SIDT2: variants seen among roughly 807,000 people sequenced by gnomAD.
The protein encoded by SIDT2 is SID1 transmembrane family member 2.
Under a neutral mutation model 114.4 loss-of-function variants are expected in SIDT2, and 68 were observed. The ratio of observed to expected loss-of-function variants is 0.59; its 90% CI spans 0.49 to 0.73. The LOEUF (loss-of-function observed/expected upper bound fraction) is 0.73, where lower values mean the gene tolerates loss of function less well. Ranked by LOEUF, SIDT2 falls within the 30% of genes least tolerant of loss-of-function variation. SIDT2 has a pLI of 0.00. For synonymous variants in SIDT2, 470 were observed against 438.4 expected (o/e 1.07, Z -0.90); for missense variants, 918 against 1,097.1 (o/e 0.84, Z 2.31).
chr11:117,185,917 C>T (rs2030477311), intron 8 of SIDT2: 2 of 460,190 alleles, frequency 4.3e-6, no homozygotes, highest in East Asian at 3.7e-5. Context: ...AGTTCTAGCC[C>T]AGGGAGCAAC....
In SIDT2 at chr11:117,179,403, T is replaced by C; in HGVS notation, c.140T>C (p.Leu47Pro). The change falls in exon 1 of 26, where the codon CTG (leucine) becomes CCG (proline). Residue 47 changes from leucine to proline, a missense_variant. Physicochemically the swap from Leu to Pro is moderately conservative, Grantham distance 98. This residue lies in a region of SIDT2 where 553 missense variants were observed against 600.1 expected (regional missense o/e 0.92). Coordinates refer to ENST00000324225, the MANE Select transcript of SIDT2 (RefSeq NM_001040455.2). Reference protein sequence around the residue: ...RTYVDEVNSELVNIYTFNHTV... With the variant: ...RTYVDEVNSEPVNIYTFNHTV... ...TACGTGGACGAGGTCAACAGCGAGC[T>C]GGTCAACATCTACACCTTCAACCAT... 1 of 1,613,636 alleles carries C rather than the reference T, an allele frequency of 6.2e-7. No individual in the cohort carries two copies. Among genetic ancestry groups the C allele is most frequent in the Non-Finnish European group, 8.5e-7 (1 of 1,179,862 alleles).
At chr11:117,191,591 A>C (rs1256186985) in intron 18 of SIDT2, 1 of 392,430 alleles carries the variant, frequency 2.5e-6, no homozygotes, top group Non-Finnish European at 4.6e-6. Flanking sequence ...CTCCAAAAAA[A>C]TAAAAGGGAG....
At chr11:117,191,080 A>T (rs1402112118) in intron 18 of SIDT2, 5 of 173,832 alleles carry the variant, frequency 2.9e-5, no homozygotes, top group Middle Eastern at 2.5e-3. Flanking sequence ...GCTCCAGACC[A>T]TCCTGGCTAA....
intron 12 of SIDT2, 46 bp downstream of exon 12, chr11:117,187,745 T>G: frequency 6.3e-7 from 1 of 1,589,422 alleles, no homozygotes; most frequent in Non-Finnish European, 8.6e-7. Flanking sequence ...AGGACGGTGT[T>G]GTCTGGGTAA....
Position 117,188,938 on chromosome 11 carries a change from G to A in SIDT2, c.1278+112G>A. On this transcript the variant is annotated intron_variant, in intron 13 of 25. Coordinates refer to ENST00000324225, the MANE Select transcript of SIDT2 (RefSeq NM_001040455.2). This position sits in a 1 kb window ranked among gnomAD's most constrained non-coding sequence, Gnocchi z 4.0. ...GCATTTAGGGAAGCAGAAGGAAGGGGCTCAGCTGGGGCAGGGCAGATGCCG... is the reference window on the plus strand; with the variant it reads ...GCATTTAGGGAAGCAGAAGGAAGGGACTCAGCTGGGGCAGGGCAGATGCCG... The A allele has an allele frequency of 8.6e-7, 1 of 1,163,054 alleles. No individual in the cohort carries two copies. Among genetic ancestry groups the A allele is most frequent in the Non-Finnish European group, 1.3e-6 (1 of 776,008 alleles). The allele number at this position is 1,163,054 out of a possible 1,614,324, so 72.0% of individuals were successfully genotyped here.
rs776728564 is a variant in SIDT2, at chr11:117,179,428, T to C, written c.165T>C (p.His55=). The C allele has an allele frequency of 2.5e-6, 4 of 1,613,420 alleles. No homozygotes were observed. The highest frequency in any genetic ancestry group is 2.5e-6 in the Non-Finnish European group (3 of 1,179,652). ...SELVNIYTFN[H]TVTRNRTEGV... ...TGGTCAACATCTACACCTTCAACCA[T>C]ACTGTGACCCGCAACAGGGTGAGGG... The change falls in exon 1 of 26, where the codon CAT becomes CAC. Residue 55 remains histidine, a synonymous_variant. Transcript: ENST00000324225.
chr11:117,184,917 G>A (rs185965595), intron 8 of SIDT2, among the ~76,000 whole-genome samples: 96 of 152,248 alleles, frequency 6.3e-4, no homozygotes, highest in African/African-American at 2.2e-3. Context: ...GTAGAGACGG[G>A]GGTTTCACCA....
intron 18 of SIDT2, 169 bp from the exon 19 acceptor site, chr11:117,191,709 C>A: frequency 1.2e-6 from 1 of 819,502 alleles, no homozygotes; most frequent in Non-Finnish European, 1.9e-6. Context: ...TGTGGTGTGG[C>A]AGGTACAACT....
Position 117,190,123 on chromosome 11 carries a change from G to A in SIDT2, c.1494-43G>A. 6.2e-7 allele frequency: 1 copy of A among 1,608,982 alleles called. No homozygotes were observed. Among genetic ancestry groups the A allele is most frequent in the African/African-American group, 1.3e-5 (1 of 74,978 alleles). ...CCCACGTGGGCTAGGGAAGAGGCCT[G>A]GGTGTGAGTCCCAAGCAGTCTGCCT... On this transcript the variant is annotated intron_variant, in intron 16 of 25. Coordinates refer to ENST00000324225, the MANE Select transcript of SIDT2 (RefSeq NM_001040455.2). The surrounding 1 kb of genome is among the most constrained non-coding windows in gnomAD (Gnocchi z 4.1).
In SIDT2 at chr11:117,192,733, G is replaced by A; in HGVS notation, c.2058+83G>A. 1 of 1,610,748 alleles carries A rather than the reference G, an allele frequency of 6.2e-7. No homozygotes were observed. Among genetic ancestry groups the A allele is most frequent in the Non-Finnish European group, 8.5e-7 (1 of 1,177,584 alleles). Reference sequence around the variant, plus strand: ...GGAGTGGGGCTGGGCTGAGGACCCAGGGGAGAGTGGGGACCAGCTGGCTGG... The same window carrying A: ...GGAGTGGGGCTGGGCTGAGGACCCAAGGGAGAGTGGGGACCAGCTGGCTGG... On this transcript the variant is annotated intron_variant, in intron 21 of 25. Coordinates refer to ENST00000324225, the MANE Select transcript of SIDT2 (RefSeq NM_001040455.2). This position sits in a 1 kb window ranked among gnomAD's most constrained non-coding sequence, Gnocchi z 5.9.
In SIDT2 at chr11:117,188,948, G is replaced by A. The variant is rs539159705; in HGVS notation, c.1278+122G>A. On this transcript the variant is annotated intron_variant, in intron 13 of 25. Transcript: ENST00000324225. This position sits in a 1 kb window ranked among gnomAD's most constrained non-coding sequence, Gnocchi z 4.0. Reference sequence around the variant, plus strand: ...AAGCAGAAGGAAGGGGCTCAGCTGGGGCAGGGCAGATGCCGGGGAAACTAA... The same window carrying A: ...AAGCAGAAGGAAGGGGCTCAGCTGGAGCAGGGCAGATGCCGGGGAAACTAA... The A allele has an allele frequency of 5.0e-4, 555 of 1,113,428 alleles. 4 individuals carry two copies. The South Asian group carries it at 6.7e-3, about 13-fold the overall frequency. 69.0% of individuals were successfully genotyped at this position (1,113,428 alleles called of 1,614,324 possible). A position where few individuals can be genotyped will look rare whatever the true frequency, so the allele number is the denominator to read the frequency against.
chr11:117,192,096 C>A lies in SIDT2; in HGVS notation c.1872+82C>A. On this transcript the variant is annotated intron_variant, in intron 19 of 25. Coordinates refer to ENST00000324225, the MANE Select transcript of SIDT2 (RefSeq NM_001040455.2). This position sits in a 1 kb window ranked among gnomAD's most constrained non-coding sequence, Gnocchi z 5.9. ...CAGACACGTAGTGCACACCCTCCGC[C>A]ACCTCCTGCATGAGAGATTCCTGCT... The A allele has an allele frequency of 6.3e-7, 1 of 1,589,216 alleles. No individual in the cohort carries two copies. The highest frequency in any genetic ancestry group is 2.2e-5 in the East Asian group (1 of 44,606).
chr11:117,188,826 G>A lies in SIDT2; in HGVS notation c.1278G>A (p.Lys426=). The change falls in exon 13 of 26, where the codon AAG becomes AAA. Residue 426 remains lysine (K), a splice_region_variant and synonymous_variant. Coordinates refer to ENST00000324225, the MANE Select transcript of SIDT2 (RefSeq NM_001040455.2). The surrounding 1 kb of genome is among the most constrained non-coding windows in gnomAD (Gnocchi z 4.0). ...IDSDKNVIRT[K]QYLYVADLAR... ...CCGACAAGAATGTCATTCGCACCAAGGTCTGACCCGTGGGCCTGGCCTGGT... is the reference window on the plus strand; with the variant it reads ...CCGACAAGAATGTCATTCGCACCAAAGTCTGACCCGTGGGCCTGGCCTGGT... 1.2e-6 allele frequency: 2 copies of A among 1,613,890 alleles called. No individual in the cohort carries two copies. Among genetic ancestry groups the A allele is most frequent in the Non-Finnish European group, 1.7e-6 (2 of 1,179,730 alleles).
In SIDT2 at chr11:117,193,926, C is replaced by T. The variant is rs1345325131; in HGVS notation, c.2285C>T (p.Ala762Val). The T allele has an allele frequency of 5.0e-6, 8 of 1,614,086 alleles. No individual in the cohort carries two copies. Among genetic ancestry groups the T allele is most frequent in the Non-Finnish European group, 6.8e-6 (8 of 1,180,012 alleles). ...IVCTSVVWGF[A>V]LFFFFQGLST... Reference sequence around the variant, plus strand: ...TGCACCTCCGTGGTCTGGGGCTTCGCGCTCTTCTTCTTCTTCCAGGGACTC... The same window carrying T: ...TGCACCTCCGTGGTCTGGGGCTTCGTGCTCTTCTTCTTCTTCCAGGGACTC... The change falls in exon 24 of 26, where the codon GCG (alanine) becomes GTG (valine). Residue 762 changes from alanine (A) to valine (V), a missense_variant. Physicochemically the swap from Ala to Val is moderately conservative, Grantham distance 64. Around this residue, in one of 4 missense-constraint regions of SIDT2, gnomAD observed 275 missense variants for 397.6 expected, o/e 0.69. Transcript: ENST00000324225.
In SIDT2 at chr11:117,193,902, G is replaced by T. The variant is rs760216039; in HGVS notation, c.2261G>T (p.Cys754Phe). ...IKLIPLLCIV[C>F]TSVVWGFALF... is the part of the protein sequence containing the mutation. Reference sequence around the variant, plus strand: ...CTCATCCCCCTGCTCTGCATCGTTTGCACCTCCGTGGTCTGGGGCTTCGCG... The same window carrying T: ...CTCATCCCCCTGCTCTGCATCGTTTTCACCTCCGTGGTCTGGGGCTTCGCG... The change falls in exon 24 of 26, where the codon TGC (cysteine) becomes TTC (phenylalanine). Residue 754 changes from cysteine to phenylalanine, a missense_variant. Cys to Phe is a radical substitution (Grantham distance 205, BLOSUM62 -2). Coordinates refer to ENST00000324225, the MANE Select transcript of SIDT2 (RefSeq NM_001040455.2). 1 of 1,614,136 alleles carries T rather than the reference G, an allele frequency of 6.2e-7. No individual in the cohort carries two copies. Among genetic ancestry groups the T allele is most frequent in the Non-Finnish European group, 8.5e-7 (1 of 1,180,026 alleles).
intron 4 of SIDT2, 128 bp downstream of exon 4, chr11:117,182,233 C>G: frequency 9.2e-7 from 1 of 1,084,072 alleles, no homozygotes; most frequent in Non-Finnish European, 1.3e-6. Flanking sequence ...TCTCTGGAAA[C>G]AGGAGCTCTG....
At position 117,195,799 on chromosome 11, in the gene SIDT2, A is replaced by G; in HGVS notation, c.2323-3A>G. On this transcript the variant is annotated splice_polypyrimidine_tract_variant and splice_region_variant and intron_variant, in intron 24 of 25. Transcript: ENST00000324225. ...TCGGCAGTTTTTCTTGTTGCTCCCC[A>G]AGAAAACCCCTGCAGAGTCGAGGGA... 3.7e-6 allele frequency: 6 copies of G among 1,614,032 alleles called. No individual in the cohort carries two copies. The highest frequency in any genetic ancestry group is 5.1e-6 in the Non-Finnish European group (6 of 1,179,918).
intron 13 of SIDT2, 23 bp from the exon 14 acceptor site, chr11:117,189,146 G>A: frequency 6.2e-7 from 1 of 1,612,992 alleles, no homozygotes. Flanking sequence ...CAGTAAGTGG[G>A]GCTGATTCCA....
intron 1 of SIDT2, 104 bp from the exon 2 acceptor site, chr11:117,181,311 GA>G: frequency 6.5e-7 from 1 of 1,541,624 alleles, no homozygotes; most frequent in Non-Finnish European, 8.8e-7. Flanking sequence ...CCAAGATGGA[GA>G]AAGACCAAAG....
Sources: allele counts gnomAD v4.1 joint callset (sites outside exome capture counted in the v4.1 genomes callset), GRCh38; gene constraint gnomAD v4.1.1; regional missense constraint gnomAD v4.1.1; non-coding constraint Gnocchi (gnomAD v3.1); transcripts MANE v1.5; gene names NCBI Gene and HGNC (gene_info 2026-07-23, HGNC 2026-07-21).